Variants in ARHGAP42 observed in about 807,000 individuals in gnomAD.
ARHGAP42 encodes rho GTPase-activating protein 42.
Under a neutral mutation model 125.0 loss-of-function variants are expected in ARHGAP42, and 63 were observed. The observed-to-expected ratio is 0.50, with a 90% CI of 0.41 to 0.62. The LOEUF (loss-of-function observed/expected upper bound fraction) is 0.62, where lower values mean the gene tolerates loss of function less well. Among genes scored for constraint, ARHGAP42 ranks in the 20% least tolerant of loss-of-function variants. The pLI is 0.00. For missense variants in ARHGAP42, 766 were observed against 1,024.2 expected (o/e 0.75, Z 3.44); for synonymous variants, 339 against 351.0 (o/e 0.97, Z 0.38).
At chr11:100,927,009 A>G (rs183782853) in intron 6 of ARHGAP42, among the ~76,000 whole-genome samples, 1 of 152,344 alleles carries the variant, frequency 6.6e-6, no homozygotes, top group Non-Finnish European at 1.5e-5. Flanking sequence ...AAAATAAATC[A>G]TCATATATAA....
chr11:100,950,078 C>A (rs1020416966), intron 12 of ARHGAP42, 122 bp downstream of exon 12: 1 of 445,626 alleles, frequency 2.2e-6, no homozygotes, highest in Non-Finnish European at 3.7e-6. Flanking sequence ...GGTACAGCAA[C>A]TTTGAAATTT....
At chr11:100,971,491 C>T (rs1474614757) in intron 17 of ARHGAP42, among the ~76,000 whole-genome samples, 1 of 152,114 alleles carries the variant, frequency 6.6e-6, no homozygotes, top group African/African-American at 2.4e-5. Flanking sequence ...GTAGAACCTG[C>T]TGAAATGGTG....
intron 1 of ARHGAP42, among the ~76,000 whole-genome samples, chr11:100,709,948 A>T (rs1279791577): frequency 6.6e-6 from 1 of 152,194 alleles, no homozygotes; most frequent in East Asian, 1.9e-4. Flanking sequence ...TGTGATATAC[A>T]CACTGTGACA....
At chr11:100,827,002 C>CTTT (rs869260353) in intron 3 of ARHGAP42, among the ~76,000 whole-genome samples, 1,150 of 80,894 alleles carry the variant, frequency 0.014, 16 homozygotes, top group Middle Eastern at 0.02. Context: ...GCCTTACATC[C>CTTT]TTTTTTTTTT....
chr11:100,688,799 A>G (rs1400368470), intron 1 of ARHGAP42, among the ~76,000 whole-genome samples: 1 of 152,194 alleles, frequency 6.6e-6, no homozygotes, highest in African/African-American at 2.4e-5. Context: ...ATCTTAATAG[A>G]GGCTTCTGGA....
chr11:100,824,509 A>T (rs1250132768), intron 3 of ARHGAP42, among the ~76,000 whole-genome samples: 1 of 152,214 alleles, frequency 6.6e-6, no homozygotes, highest in Non-Finnish European at 1.5e-5. Context: ...TCTACACTGG[A>T]GTCCCGAATA....
intron 2 of ARHGAP42, among the ~76,000 whole-genome samples, chr11:100,772,135 C>G (rs985541407): frequency 3.3e-5 from 5 of 152,098 alleles, no homozygotes; most frequent in African/African-American, 1.2e-4. Flanking sequence ...CTTTGACTCC[C>G]TAAGTAGCAA....
chr11:100,934,238 G>T (rs759033218), intron 7 of ARHGAP42, among the ~76,000 whole-genome samples: 1 of 151,978 alleles, frequency 6.6e-6, no homozygotes, highest in Non-Finnish European at 1.5e-5. Context: ...TGGTTTCGAG[G>T]CATTCAAAAT....
In ARHGAP42 at chr11:100,703,083, A is replaced by G. The variant is rs138016988; in HGVS notation, c.154+15251A>G. Among the ~76,000 whole-genome samples, 4 of 152,348 alleles carry G rather than the reference A, an allele frequency of 2.6e-5. No homozygotes were observed. In the East Asian group the frequency reaches 7.7e-4, roughly 29 times the overall value. On this transcript the variant is annotated intron_variant, in intron 1 of 23. Transcript: ENST00000298815. Reference sequence around the variant, plus strand: ...GGAAGAGTATTTTGAATATCTGTATAGTAAATGAGCCAGAGAATGGGGACT... The same window carrying G: ...GGAAGAGTATTTTGAATATCTGTATGGTAAATGAGCCAGAGAATGGGGACT...
chr11:100,825,997 C>T (rs1445120635), intron 3 of ARHGAP42, among the ~76,000 whole-genome samples: 2 of 152,080 alleles, frequency 1.3e-5, no homozygotes, highest in Non-Finnish European at 2.9e-5. Context: ...TCCTCAGAAG[C>T]TTATGTCCAG....
chr11:100,803,694 C>T (rs1770159988), intron 3 of ARHGAP42, among the ~76,000 whole-genome samples: 1 of 152,300 alleles, frequency 6.6e-6, no homozygotes, highest in South Asian at 2.1e-4. Flanking sequence ...TCCTCCTTTA[C>T]CCTCCAATCA....
chr11:100,755,965 T>C (rs1036724887), intron 1 of ARHGAP42, among the ~76,000 whole-genome samples: 4 of 152,180 alleles, frequency 2.6e-5, no homozygotes, highest in Non-Finnish European at 5.9e-5. Context: ...TGTCATGCTC[T>C]ATATAATGTC....
intron 10 of ARHGAP42, among the ~76,000 whole-genome samples, chr11:100,945,995 A>C (rs998934660): frequency 6.5e-4 from 99 of 152,212 alleles, no homozygotes; most frequent in African/African-American, 2.3e-3. Context: ...TACATTGAAA[A>C]TCTGTTGTTT....
chr11:100,938,096 C>A (rs1385938110), intron 8 of ARHGAP42, among the ~76,000 whole-genome samples: 1 of 151,288 alleles, frequency 6.6e-6, no homozygotes, highest in African/African-American at 2.4e-5. Context: ...CCCTCACTCT[C>A]CTAGGCTACA....
At chr11:100,713,266 A>C (rs1462459404) in intron 1 of ARHGAP42, among the ~76,000 whole-genome samples, 1 of 152,222 alleles carries the variant, frequency 6.6e-6, no homozygotes, top group Non-Finnish European at 1.5e-5. Context: ...AGTCCCTCAT[A>C]GGAAAATATG....
At chr11:100,980,559 C>CTTCTTCTTCT (rs1555037006) in intron 22 of ARHGAP42, among the ~76,000 whole-genome samples, 1 of 51,962 alleles carries the variant, frequency 1.9e-5, no homozygotes, top group Non-Finnish European at 3.8e-5. Context: ...TTTTCTTCTT[C>CTTCTTCTTCT]TTTTTTTTTT....
At chr11:100,954,504 G>T (rs1004575699) in intron 12 of ARHGAP42, among the ~76,000 whole-genome samples, 1 of 152,092 alleles carries the variant, frequency 6.6e-6, no homozygotes, top group Non-Finnish European at 1.5e-5. Flanking sequence ...AAGTGTACCC[G>T]TGTATCTATT....
At chr11:100,988,117 ACT>A (rs1446700941) in intron 23 of ARHGAP42, among the ~76,000 whole-genome samples, 2 of 151,958 alleles carry the variant, frequency 1.3e-5, no homozygotes, top group African/African-American at 2.4e-5. Context: ...ACACAGCAAG[ACT>A]CTGTCTATAA....
At position 100,992,325 on chromosome 11, in the gene ARHGAP42, G is replaced by A. The variant is rs752937433; in HGVS notation, c.*3524G>A. Reference sequence around the variant, plus strand: ...GCTGTTAGCATGACCTCACATCACTGCGTAGGACCCGGAAATCACATCTCC... The same window carrying A: ...GCTGTTAGCATGACCTCACATCACTACGTAGGACCCGGAAATCACATCTCC... On this transcript the variant is annotated 3_prime_UTR_variant, in exon 24 of 24. Transcript: ENST00000298815. 8.1e-6 allele frequency: 13 copies of A among 1,608,142 alleles called. No homozygotes were observed. The South Asian group carries it at 1.0e-4, about 12-fold the overall frequency.
Sources: gnomAD v4.1 joint callset for allele counts (sites outside exome capture counted in the v4.1 genomes callset) on GRCh38, gnomAD v4.1.1 for gene constraint, MANE v1.5 for transcripts, NCBI Gene and HGNC (gene_info 2026-07-23, HGNC 2026-07-21) for gene names.